Variants in NUMB observed in about 807,000 individuals in gnomAD.
NUMB encodes the protein protein numb homolog.
NUMB carries 29 observed loss-of-function variants against 59.7 expected under a neutral mutation model. The ratio of observed to expected loss-of-function variants is 0.49; its 90% CI spans 0.36 to 0.66. The LOEUF is 0.66. Ranked by LOEUF, NUMB falls within the 30% of genes least tolerant of loss-of-function variation. The pLI is 0.00. For synonymous variants in NUMB, 288 were observed against 288.2 expected (o/e 1.00, Z 0.01); for missense variants, 723 against 822.0 (o/e 0.88, Z 1.47).
At chr14:73,407,377 A>G (rs1896719583) in intron 2 of NUMB, among the ~76,000 whole-genome samples, 1 of 152,122 alleles carries the variant, frequency 6.6e-6, no homozygotes, top group Non-Finnish European at 1.5e-5. Context: ...ACTTGAGCCC[A>G]GGAGGTGGAG....
intron 1 of NUMB, among the ~76,000 whole-genome samples, chr14:73,457,188 C>T (rs1277281706): frequency 6.6e-6 from 1 of 152,182 alleles, no homozygotes; most frequent in Admixed American, 6.5e-5. Context: ...TGCCTACCCT[C>T]TTTCTGATAA....
At chr14:73,431,584 T>TA (rs1371959547) in intron 1 of NUMB, among the ~76,000 whole-genome samples, 3 of 150,570 alleles carry the variant, frequency 2.0e-5, no homozygotes, top group Non-Finnish European at 4.4e-5. Flanking sequence ...CTGTCTCTAC[T>TA]AAAAAAATAC....
chr14:73,324,577 T>C (rs549537810), intron 4 of NUMB, among the ~76,000 whole-genome samples: 4 of 152,140 alleles, frequency 2.6e-5, no homozygotes, highest in Non-Finnish European at 4.4e-5. Flanking sequence ...GGTGCTAAAA[T>C]GGCACTTAAC....
intron 6 of NUMB, among the ~76,000 whole-genome samples, chr14:73,301,253 G>A (rs940887607): frequency 6.6e-6 from 1 of 152,202 alleles, no homozygotes; most frequent in African/African-American, 2.4e-5. Context: ...TAAATTTGCA[G>A]TTTAATCAAT....
chr14:73,425,733 T>C (rs1428562403), intron 1 of NUMB, among the ~76,000 whole-genome samples: 2 of 152,080 alleles, frequency 1.3e-5, no homozygotes, highest in African/African-American at 4.8e-5. Context: ...TATAAATGTG[T>C]ATAAGTGTGT....
intron 1 of NUMB, among the ~76,000 whole-genome samples, chr14:73,437,041 CT>C (rs71112755): frequency 0.15 from 15,600 of 106,534 alleles, 671 homozygotes; most frequent in Non-Finnish European, 0.19. Flanking sequence ...TTTTCTCTCT[CT>C]TTTTTTTTTT....
At chr14:73,390,800 C>T (rs770727488) in intron 2 of NUMB, among the ~76,000 whole-genome samples, 5 of 151,498 alleles carry the variant, frequency 3.3e-5, no homozygotes, top group Non-Finnish European at 7.4e-5. Flanking sequence ...CAGACACATG[C>T]CACCACGCCC....
rs1163241296 is a variant in NUMB, at chr14:73,326,230, A to AATG, written c.127-3027_127-3026insCAT. 2.0e-5 allele frequency among the ~76,000 whole-genome samples: 3 copies of AATG among 151,976 alleles called. No individual in the cohort carries two copies. The East Asian group carries it at 5.8e-4, about 29-fold the overall frequency. ...TCAGGACTTTGACAGCTGAACTAATATACAGACCACCTCCTGGTTCCCAAA... is the reference window on the plus strand; with the variant it reads ...TCAGGACTTTGACAGCTGAACTAATAATGTACAGACCACCTCCTGGTTCCCAAA... On this transcript the variant is annotated intron_variant, in intron 4 of 12. Transcript: ENST00000555238.
At chr14:73,441,357 G>C (rs1440063026) in intron 1 of NUMB, among the ~76,000 whole-genome samples, 1 of 151,928 alleles carries the variant, frequency 6.6e-6, no homozygotes, top group East Asian at 1.9e-4. Flanking sequence ...AGTCCAACCT[G>C]GCCAACACAG....
rs139871298 is a variant in NUMB at position 73,332,111 on chromosome 14, G to C, written c.127-8907C>G. Among the ~76,000 whole-genome samples, 837 of 151,960 alleles carry C rather than the reference G, an allele frequency of 5.5e-3. 5 individuals carry two copies. Among genetic ancestry groups the C allele is most frequent in the Admixed American group, 8.6e-3 (132 of 15,266 alleles). ...GCTTCTCTTTCTGCTTTTTCTTCTA[G>C]TTCTCTATTTCATGGATTGTAAAGC... On this transcript the variant is annotated intron_variant, in intron 4 of 12. Transcript: ENST00000555238.
At chr14:73,366,863 T>C (rs1263053976) in intron 3 of NUMB, 34 bp downstream of exon 3, 1 of 152,198 alleles carries the variant, frequency 6.6e-6, no homozygotes, top group Non-Finnish European at 1.5e-5. Flanking sequence ...TTCAGATTCA[T>C]GGTTATGATT....
chr14:73,411,862 A>T (rs1896908046), intron 1 of NUMB, among the ~76,000 whole-genome samples: 1 of 151,964 alleles, frequency 6.6e-6, no homozygotes, highest in Admixed American at 6.6e-5. Flanking sequence ...AAGCAAAATA[A>T]ATTCACCAGA....
chr14:73,399,257 C>T (rs573707089), intron 2 of NUMB, among the ~76,000 whole-genome samples: 1 of 152,304 alleles, frequency 6.6e-6, no homozygotes, highest in Admixed American at 6.5e-5. Flanking sequence ...TGGGTTCAAC[C>T]AGCTATGGAC....
In NUMB at chr14:73,443,556, T is replaced by C. The variant is rs568413530; in HGVS notation, c.-233+14937A>G. On this transcript the variant is annotated intron_variant, in intron 1 of 12. Transcript: ENST00000555238. ...GTTGCAGTGAGCCGAGACCATGCCA[T>C]TGCACGCCAGCCTAGGCAACAAGAG... 4.0e-5 allele frequency among the ~76,000 whole-genome samples: 6 copies of C among 149,964 alleles called. No individual in the cohort carries two copies. The South Asian group carries it at 8.5e-4, about 21-fold the overall frequency.
chr14:73,279,023 C>A (rs1475616866), intron 12 of NUMB, among the ~76,000 whole-genome samples: 2 of 152,128 alleles, frequency 1.3e-5, no homozygotes, highest in African/African-American at 2.4e-5. Flanking sequence ...CACACCCAGC[C>A]GGAATCTGTA....
chr14:73,446,055 G>A (rs1883479188), intron 1 of NUMB, among the ~76,000 whole-genome samples: 1 of 148,426 alleles, frequency 6.7e-6, no homozygotes, highest in South Asian at 2.1e-4. Context: ...CGAGTCCAGT[G>A]GCACGATCTC....
Position 73,346,285 on chromosome 14 carries a change from G to A in NUMB, c.126+9341C>T, listed in dbSNP as rs537266501. 2.3e-3 allele frequency among the ~76,000 whole-genome samples: 347 copies of A among 152,178 alleles called. 5 individuals carry two copies. Among genetic ancestry groups the A allele is most frequent in the Non-Finnish European group, 3.0e-3 (202 of 68,002 alleles). On this transcript the variant is annotated intron_variant, in intron 4 of 12. Transcript: ENST00000555238. The stretch of plus-strand genomic sequence containing the variant: ...ACCTGAGGTCGGGAGTTCGAGACCA[G>A]CTTGACCAACATGGAGAAACCCCCG...
At chr14:73,319,553 G>A (rs1332813664) in intron 5 of NUMB, among the ~76,000 whole-genome samples, 1 of 152,072 alleles carries the variant, frequency 6.6e-6, no homozygotes, top group African/African-American at 2.4e-5. Context: ...CTAAAAGGAA[G>A]CTTTATAATC....
At chr14:73,404,076 G>GAAA (rs34056438) in intron 2 of NUMB, among the ~76,000 whole-genome samples, 2 of 128,060 alleles carry the variant, frequency 1.6e-5, no homozygotes, top group African/African-American at 2.9e-5. Context: ...GACTCCGTCT[G>GAAA]AAAAAAAAAA....
Sources: gnomAD v4.1 joint callset for allele counts (sites outside exome capture counted in the v4.1 genomes callset) on GRCh38, gnomAD v4.1.1 for gene constraint, MANE v1.5 for transcripts, NCBI Gene and HGNC (gene_info 2026-07-23, HGNC 2026-07-21) for gene names.